GULP1: variants seen among roughly 807,000 people sequenced by gnomAD.
The protein encoded by GULP1 is GULP PTB domain containing engulfment adaptor 1.
A neutral mutation model predicts 40.9 loss-of-function variants in GULP1; 19 were observed. The observed-to-expected ratio is 0.46, with a 90% CI of 0.32 to 0.68. The LOEUF (loss-of-function observed/expected upper bound fraction) is 0.68, where lower values mean the gene tolerates loss of function less well. Among genes scored for constraint, GULP1 ranks in the 30% least tolerant of loss-of-function variants. The pLI, the probability that GULP1 is intolerant of heterozygous loss-of-function variation, is 0.03. For synonymous variants in GULP1, 119 were observed against 117.6 expected (o/e 1.01, Z -0.08); for missense variants, 312 against 362.2 (o/e 0.86, Z 1.12).
chr2:188,428,362 A>G (rs2056466352), intron 2 of GULP1, among the ~76,000 whole-genome samples: 1 of 152,178 alleles, frequency 6.6e-6, no homozygotes, highest in East Asian at 1.9e-4. Flanking sequence ...TGTGAGAAGA[A>G]GATGAGATTT....
chr2:188,550,794 A>T (rs1693265063), intron 7 of GULP1, among the ~76,000 whole-genome samples: 3 of 151,430 alleles, frequency 2.0e-5, no homozygotes, highest in Admixed American at 6.6e-5. Context: ...CAAAATAAAA[A>T]ATTAATGTTT....
chr2:188,590,902 G>T (rs1559414534), intron 11 of GULP1: 1 of 152,024 alleles, frequency 6.6e-6, no homozygotes, highest in Non-Finnish European at 1.5e-5. Flanking sequence ...TACAGCAAAT[G>T]CCGAGATAAA....
intron 2 of GULP1, among the ~76,000 whole-genome samples, chr2:188,457,518 G>A (rs548351170): frequency 7.9e-4 from 121 of 152,314 alleles, no homozygotes; most frequent in Non-Finnish European, 1.4e-3. Context: ...CCCCAGCCAC[G>A]TGGAACTGTG....
chr2:188,479,977 T>C (rs933447213), intron 3 of GULP1, among the ~76,000 whole-genome samples: 17 of 152,144 alleles, frequency 1.1e-4, no homozygotes, highest in African/African-American at 4.1e-4. Context: ...TCTAATGATT[T>C]AGTATCATGA....
chr2:188,346,666 G>A (rs898944337), intron 1 of GULP1, among the ~76,000 whole-genome samples: 1 of 149,820 alleles, frequency 6.7e-6, no homozygotes, highest in African/African-American at 2.4e-5. Context: ...CTAATTTTTT[G>A]TATTTATCCA....
chr2:188,364,744 A>G (rs751339146), intron 1 of GULP1, among the ~76,000 whole-genome samples: 1 of 150,306 alleles, frequency 6.7e-6, no homozygotes, highest in Non-Finnish European at 1.5e-5. Context: ...ATATCTATAT[A>G]TATGATACAT....
At chr2:188,524,259 A>G (rs1189460827) in intron 5 of GULP1, among the ~76,000 whole-genome samples, 1 of 152,204 alleles carries the variant, frequency 6.6e-6, no homozygotes, top group Non-Finnish European at 1.5e-5. Context: ...ATGTAAAGAT[A>G]TATTTGAAAT....
intron 2 of GULP1, among the ~76,000 whole-genome samples, chr2:188,443,555 T>C (rs1016414457): frequency 3.3e-5 from 5 of 152,212 alleles, no homozygotes; most frequent in Non-Finnish European, 5.9e-5. Flanking sequence ...GGAGTTTCAC[T>C]CATCTAGAAC....
At chr2:188,472,473 T>G (rs925162136) in intron 2 of GULP1, among the ~76,000 whole-genome samples, 1 of 152,154 alleles carries the variant, frequency 6.6e-6, no homozygotes, top group South Asian at 2.1e-4. Flanking sequence ...TTTAATTCTT[T>G]TTTTCTTTTG....
intron 2 of GULP1, among the ~76,000 whole-genome samples, chr2:188,471,385 G>C (rs958681506): frequency 4.6e-5 from 7 of 151,718 alleles, no homozygotes; most frequent in Non-Finnish European, 1.0e-4. Flanking sequence ...TGATGACTAA[G>C]GACTTACTCC....
chr2:188,311,859 A>G (rs2038190135), intron 1 of GULP1, among the ~76,000 whole-genome samples: 1 of 148,294 alleles, frequency 6.7e-6, no homozygotes, highest in East Asian at 1.9e-4. Flanking sequence ...GAAGCATTAT[A>G]TATTATAAAT....
At chr2:188,429,740 G>T (rs1476786500) in intron 2 of GULP1, among the ~76,000 whole-genome samples, 1 of 151,610 alleles carries the variant, frequency 6.6e-6, no homozygotes, top group Non-Finnish European at 1.5e-5. Context: ...ACGGAGTCTC[G>T]CTCTGTTGCC....
chr2:188,296,559 T>G (rs2034987249), intron 1 of GULP1, among the ~76,000 whole-genome samples: 1 of 131,118 alleles, frequency 7.6e-6, no homozygotes, highest in Non-Finnish European at 1.6e-5. Flanking sequence ...AGTTTTGTCT[T>G]TCAGTGTAGT....
At chr2:188,352,618 TCACACACACA>T (rs66499080) in intron 1 of GULP1, among the ~76,000 whole-genome samples, 1 of 134,406 alleles carries the variant, frequency 7.4e-6, no homozygotes, top group Non-Finnish European at 1.6e-5. Context: ...TCTCTCTCTC[TCACACACACA>T]CACACACACA....
chr2:188,588,383 A>G (rs1288694117), intron 11 of GULP1: 1 of 165,616 alleles, frequency 6.0e-6, no homozygotes, highest in African/African-American at 2.4e-5. Flanking sequence ...TTGTAGCTGT[A>G]GTTCATAACT....
chr2:188,378,491 A>G (rs2048589120), intron 1 of GULP1, among the ~76,000 whole-genome samples: 1 of 152,170 alleles, frequency 6.6e-6, no homozygotes, highest in African/African-American at 2.4e-5. Flanking sequence ...GGTAATTTAT[A>G]AAGAAAAGAC....
chr2:188,338,547 C>T (rs527996237), intron 1 of GULP1, among the ~76,000 whole-genome samples: 4 of 152,046 alleles, frequency 2.6e-5, no homozygotes, highest in African/African-American at 4.8e-5. Flanking sequence ...TCAAGCAACC[C>T]TCCCACCTCG....
intron 2 of GULP1, among the ~76,000 whole-genome samples, chr2:188,413,003 A>G (rs181607408): frequency 7.2e-5 from 11 of 152,306 alleles, no homozygotes; most frequent in Non-Finnish European, 1.5e-4. Context: ...GGAGAAAACT[A>G]AAGTCTAGAG....
In GULP1 at chr2:188,529,180, A is replaced by G. The variant is rs1686923191; in HGVS notation, c.246A>G (p.Leu82=). 1.3e-6 allele frequency: 2 copies of G among 1,533,234 alleles called. No individual in the cohort carries two copies. Among genetic ancestry groups the G allele is most frequent in the Non-Finnish European group, 9.0e-7 (1 of 1,114,480 alleles). 95.0% of individuals were successfully genotyped at this position (1,533,234 alleles called of 1,614,324 possible). A position where few individuals can be genotyped will look rare whatever the true frequency, so the allele number is the denominator to read the frequency against. The change falls in exon 6 of 12, where the codon CTA becomes CTG. Residue 82 remains leucine (L), a synonymous_variant. Coordinates refer to ENST00000409830, the MANE Select transcript of GULP1 (RefSeq NM_016315.4). ...TATCAATTTATGGAGTAAAAATTCT[A>G]GAACCCAAAACAAAGGTAAGGCTTT... ...LQISIYGVKI[L]EPKTKEVQHN...
Sources: gnomAD v4.1 joint callset for allele counts (sites outside exome capture counted in the v4.1 genomes callset) on GRCh38, gnomAD v4.1.1 for gene constraint, MANE v1.5 for transcripts, NCBI Gene and HGNC (gene_info 2026-07-23, HGNC 2026-07-21) for gene names.